Variants in GINM1 observed in about 807,000 individuals in gnomAD.
GINM1 encodes the protein glycoprotein integral membrane protein 1.
In GINM1, 29 loss-of-function variants were observed where a neutral mutation model predicts 37.8. The observed-to-expected ratio is 0.77, with a 90% CI of 0.57 to 1.05. The LOEUF is 1.05. GINM1 is among the 50% of genes least tolerant of loss of function. The pLI is 0.00. For synonymous variants in GINM1, 143 were observed against 146.2 expected (o/e 0.98, Z 0.16); for missense variants, 377 against 397.9 (o/e 0.95, Z 0.45).
chr6:149,590,584 C>T, intron 7 of GINM1, 143 bp from the exon 8 acceptor site: 4 of 560,550 alleles, frequency 7.1e-6, no homozygotes, highest in Non-Finnish European at 1.3e-5. Context: ...TTTGTACAAC[C>T]ACTATGAATT....
chr6:149,576,462 G>A (rs1263147842), intron 3 of GINM1: 3 of 152,172 alleles, frequency 2.0e-5, no homozygotes, highest in Non-Finnish European at 4.4e-5. Flanking sequence ...TTAGAAACGA[G>A]TCACTAGGCT....
chr6:149,584,303 T>G (rs535042607), intron 7 of GINM1: 1 of 152,220 alleles, frequency 6.6e-6, no homozygotes, highest in Non-Finnish European at 1.5e-5. Flanking sequence ...TTTAATTATC[T>G]TAACAGAAAC....
At chr6:149,582,232 G>C (rs909482083) in intron 6 of GINM1, 2 of 599,906 alleles carry the variant, frequency 3.3e-6, no homozygotes, top group African/African-American at 3.7e-5. Context: ...TTTTAAAGTT[G>C]TAAGTAACTT....
intron 7 of GINM1, among the ~76,000 whole-genome samples, chr6:149,587,762 T>C (rs1040754697): frequency 6.6e-6 from 1 of 152,162 alleles, no homozygotes; most frequent in African/African-American, 2.4e-5. Flanking sequence ...GATTACATCA[T>C]TGGTCACTGG....
intron 3 of GINM1, among the ~76,000 whole-genome samples, chr6:149,574,047 ATTT>A (rs35023561): frequency 0.071 from 9,184 of 129,248 alleles, 380 homozygotes; most frequent in Non-Finnish European, 0.1. Context: ...TATACATAGG[ATTT>A]TTTTTTTTTT....
chr6:149,579,084 T>A, intron 4 of GINM1, 111 bp downstream of exon 4: 1 of 560,982 alleles, frequency 1.8e-6, no homozygotes, highest in Non-Finnish European at 3.0e-6. Context: ...GGAAGGTGCC[T>A]AATGTTGCCT....
At position 149,571,236 on chromosome 6, in the gene GINM1, AC is replaced by A. The variant is rs1777816537; in HGVS notation, c.121-1046del. 2.0e-5 allele frequency among the ~76,000 whole-genome samples: 3 copies of A among 150,634 alleles called. No individual in the cohort carries two copies. The South Asian group carries it at 6.3e-4, about 32-fold the overall frequency. Reference sequence around the variant, plus strand: ...AGGCTGAGGCAGGAGAATCACTTGAACCCGGGAGGCGGAGATTGCAGTGAGC... The same window carrying A: ...AGGCTGAGGCAGGAGAATCACTTGAACCGGGAGGCGGAGATTGCAGTGAGC... On this transcript the variant is annotated intron_variant, in intron 1 of 7. Transcript: ENST00000367419.
chr6:149,581,238 C>T (rs969933038), intron 6 of GINM1, among the ~76,000 whole-genome samples: 2 of 151,498 alleles, frequency 1.3e-5, no homozygotes, highest in African/African-American at 4.9e-5. Flanking sequence ...TCTCGGCTTA[C>T]TCCTCCACCT....
chr6:149,568,381 C>T (rs1777754802), intron 1 of GINM1, among the ~76,000 whole-genome samples: 1 of 152,222 alleles, frequency 6.6e-6, no homozygotes, highest in Non-Finnish European at 1.5e-5. Flanking sequence ...TGAAACATTT[C>T]CAATAGGAAA....
intron 6 of GINM1, 182 bp downstream of exon 6, chr6:149,580,905 T>A: frequency 1.8e-6 from 1 of 555,458 alleles, no homozygotes; most frequent in Non-Finnish European, 3.2e-6. Flanking sequence ...GAGCTTTGTT[T>A]AATAATATTG....
intron 1 of GINM1, among the ~76,000 whole-genome samples, chr6:149,568,892 C>T (rs887847081): frequency 5.3e-5 from 8 of 152,144 alleles, no homozygotes; most frequent in African/African-American, 1.7e-4. Context: ...AGTGCAGTGG[C>T]ATGATCTCGG....
intron 1 of GINM1, among the ~76,000 whole-genome samples, chr6:149,568,035 T>G (rs116081979): frequency 8.0e-4 from 122 of 152,388 alleles, no homozygotes; most frequent in African/African-American, 2.9e-3. Context: ...CGGCTGGCTC[T>G]TAGTGATGAT....
intron 5 of GINM1, among the ~76,000 whole-genome samples, chr6:149,580,351 A>G (rs965158663): frequency 6.6e-6 from 1 of 152,244 alleles, no homozygotes; most frequent in Non-Finnish European, 1.5e-5. Flanking sequence ...TCACAGAAAC[A>G]TAGAACTTCT....
intron 1 of GINM1, among the ~76,000 whole-genome samples, chr6:149,569,520 G>A (rs1777776775): frequency 6.7e-6 from 1 of 149,146 alleles, no homozygotes; most frequent in South Asian, 2.1e-4. Context: ...TGTATTTTTA[G>A]TAGAGACGGG....
At chr6:149,572,413 C>A in intron 2 of GINM1, 69 bp downstream of exon 2, 1 of 1,288,930 alleles carries the variant, frequency 7.8e-7, no homozygotes, top group Non-Finnish European at 1.1e-6. Flanking sequence ...GATTTTTTAA[C>A]TTGCACGTCT....
At chr6:149,584,039 G>A (rs1778036353) in intron 7 of GINM1, among the ~76,000 whole-genome samples, 1 of 152,022 alleles carries the variant, frequency 6.6e-6, no homozygotes. Flanking sequence ...GCAGTGGCAT[G>A]ATCTTGGCTC....
intron 7 of GINM1, among the ~76,000 whole-genome samples, chr6:149,588,159 C>T (rs540782183): frequency 3.9e-5 from 6 of 152,162 alleles, no homozygotes; most frequent in Non-Finnish European, 5.9e-5. Flanking sequence ...AGTAAAATTA[C>T]TGTGTCACAA....
chr6:149,579,797 T>C (rs779253652), intron 4 of GINM1, 37 bp from the exon 5 acceptor site: 1 of 1,349,574 alleles, frequency 7.4e-7, no homozygotes, highest in Non-Finnish European at 1.0e-6. Flanking sequence ...GCTGTGCTAC[T>C]ATTTAAAATA....
At chr6:149,568,241 G>A (rs925797891) in intron 1 of GINM1, among the ~76,000 whole-genome samples, 14 of 152,236 alleles carry the variant, frequency 9.2e-5, no homozygotes, top group African/African-American at 3.4e-4. Flanking sequence ...CATAGCAAGA[G>A]CCTGTCTCAA....
Sources: gnomAD v4.1 joint callset for allele counts (sites outside exome capture counted in the v4.1 genomes callset) on GRCh38, gnomAD v4.1.1 for gene constraint, MANE v1.5 for transcripts, NCBI Gene and HGNC (gene_info 2026-07-23, HGNC 2026-07-21) for gene names.